Variants in TPO observed in about 807,000 individuals in gnomAD.
The protein encoded by TPO is thyroid microsomal antigen.
Under a neutral mutation model 96.9 loss-of-function variants are expected in TPO, and 78 were observed. The ratio of observed to expected loss-of-function variants is 0.81; its 90% confidence interval spans 0.67 to 0.97. The LOEUF is 0.97. Ranked by LOEUF, TPO falls within the 50% of genes least tolerant of loss-of-function variation. The pLI is 0.00. For missense variants in TPO, 1,252 were observed against 1,274.8 expected (o/e 0.98, Z 0.27); for synonymous variants, 547 against 538.0 (o/e 1.02, Z -0.23).
chr2:1,433,756 A>G (rs1573164385), intron 4 of TPO, 149 bp downstream of exon 4: 2 of 879,790 alleles, frequency 2.3e-6, no homozygotes, highest in East Asian at 2.7e-5. Context: ...ACAAGCTGCA[A>G]TTTTTAAAAA....
intron 16 of TPO, chr2:1,540,966 G>C: frequency 6.7e-7 from 1 of 1,484,020 alleles, no homozygotes; most frequent in Non-Finnish European, 9.1e-7. Context: ...CCAAAACTAA[G>C]GGCTCACTTT....
intron 3 of TPO, among the ~76,000 whole-genome samples, chr2:1,428,532 C>T (rs1193049063): frequency 6.6e-6 from 1 of 152,208 alleles, no homozygotes; most frequent in Non-Finnish European, 1.5e-5. Flanking sequence ...AAGAGCTGAG[C>T]TCAGTTTCCC....
intron 9 of TPO, among the ~76,000 whole-genome samples, chr2:1,487,498 G>T (rs1398526536): frequency 1.3e-5 from 2 of 152,156 alleles, no homozygotes; most frequent in Non-Finnish European, 2.9e-5. Context: ...ACTTTGGGAG[G>T]CCGAGGCAGG....
intron 15 of TPO, among the ~76,000 whole-genome samples, chr2:1,532,112 C>G (rs1216409766): frequency 4.9e-5 from 5 of 101,968 alleles, no homozygotes; most frequent in African/African-American, 2.0e-4. Flanking sequence ...CCCCACAAAT[C>G]CCCCCACTGT....
At chr2:1,515,897 TA>T (rs913769965) in intron 14 of TPO, among the ~76,000 whole-genome samples, 15 of 149,788 alleles carry the variant, frequency 1.0e-4, no homozygotes, top group Admixed American at 6.0e-4. Context: ...CATGTTTGTT[TA>T]AAAAAAAAAC....
At chr2:1,436,534 C>T in intron 5 of TPO, 150 bp downstream of exon 5, 1 of 1,178,192 alleles carries the variant, frequency 8.5e-7, no homozygotes, top group Admixed American at 2.0e-5. Context: ...GACATGGCCT[C>T]CTGCATGCCT....
intron 1 of TPO, 21 bp from the exon 2 acceptor site, chr2:1,414,387 G>C: frequency 1.2e-6 from 2 of 1,606,654 alleles, no homozygotes; most frequent in Non-Finnish European, 1.7e-6. Context: ...TACATACTCT[G>C]TCTCCTTCCG....
At chr2:1,485,257 A>G (rs538283237) in intron 9 of TPO, among the ~76,000 whole-genome samples, 6 of 152,262 alleles carry the variant, frequency 3.9e-5, no homozygotes, top group East Asian at 1.9e-4. Context: ...ATGGCTGCAT[A>G]GTATTCCTTG....
chr2:1,387,954 T>C (rs935883567), intron 1 of TPO, among the ~76,000 whole-genome samples: 3 of 152,350 alleles, frequency 2.0e-5, no homozygotes, highest in Admixed American at 2.0e-4. Flanking sequence ...TGCAGGTCTG[T>C]TGGAGTTTGC....
intron 7 of TPO, 84 bp from the exon 8 acceptor site, chr2:1,477,002 G>C: frequency 6.7e-7 from 1 of 1,492,386 alleles, no homozygotes; most frequent in Non-Finnish European, 8.9e-7. Context: ...GGCGCTGCGG[G>C]GTCGTCGCCG....
At chr2:1,508,704 T>C (rs556265869) in intron 14 of TPO, among the ~76,000 whole-genome samples, 30 of 152,342 alleles carry the variant, frequency 2.0e-4, no homozygotes, top group African/African-American at 6.7e-4. Context: ...TGATGGTAGT[T>C]TGTATTTCTT....
At chr2:1,472,937 T>C (rs1439447304) in intron 7 of TPO, among the ~76,000 whole-genome samples, 3 of 152,162 alleles carry the variant, frequency 2.0e-5, no homozygotes, top group Admixed American at 6.5e-5. Context: ...TTATCTTTTT[T>C]TGGCAATTTG....
chr2:1,515,094 C>T (rs73178561), intron 14 of TPO, among the ~76,000 whole-genome samples: 6,161 of 152,278 alleles, frequency 0.04, 440 homozygotes, highest in African/African-American at 0.14. Context: ...TGAATTTCCA[C>T]GGCTGCCCTG....
intron 7 of TPO, among the ~76,000 whole-genome samples, chr2:1,470,487 T>C (rs1669296058): frequency 6.6e-6 from 1 of 151,338 alleles, no homozygotes; most frequent in Admixed American, 6.6e-5. Flanking sequence ...ACATCTACAT[T>C]GTTATCTTAC....
intron 8 of TPO, among the ~76,000 whole-genome samples, chr2:1,481,165 C>T (rs1670604820): frequency 6.6e-6 from 1 of 152,030 alleles, no homozygotes; most frequent in African/African-American, 2.4e-5. Context: ...GCTCTTCAAT[C>T]CCAGAAAACC....
chr2:1,455,089 G>A (rs6752121), intron 6 of TPO, among the ~76,000 whole-genome samples: 141,410 of 152,204 alleles, frequency 0.93, 65,764 homozygotes, highest in South Asian at 0.98. Flanking sequence ...CTTCCAAGCC[G>A]GCAATGTTGT....
chr2:1,450,652 G>A (rs769539241), intron 5 of TPO, among the ~76,000 whole-genome samples: 13 of 152,128 alleles, frequency 8.5e-5, no homozygotes, highest in South Asian at 2.1e-4. Context: ...TGAAGGTCAG[G>A]TGACACATTT....
chr2:1,500,973 A>G (rs1304397052), intron 13 of TPO, among the ~76,000 whole-genome samples: 2 of 148,898 alleles, frequency 1.3e-5, no homozygotes, highest in African/African-American at 5.0e-5. Context: ...CTCCCTCTCA[A>G]AAAAAAAAAA....
At chr2:1,484,562 G>A in intron 8 of TPO, 34 bp from the exon 9 acceptor site, 1 of 1,613,776 alleles carries the variant, frequency 6.2e-7, no homozygotes, top group Non-Finnish European at 8.5e-7. Flanking sequence ...CTGGTATCCT[G>A]GGCCTCACTG....
Sources: gnomAD v4.1 joint callset for allele counts (sites outside exome capture counted in the v4.1 genomes callset) on GRCh38, gnomAD v4.1.1 for gene constraint, MANE v1.5 for transcripts, NCBI Gene and HGNC (gene_info 2026-07-23, HGNC 2026-07-21) for gene names.